The following AAK1 variants were observed in gnomAD, a reference collection of about 807,000 sequenced individuals.
The protein encoded by AAK1 is AP2 associated kinase 1.
AAK1 carries 37 observed loss-of-function variants against 116.0 expected under a neutral mutation model. The observed-to-expected ratio is 0.32, with a 90% confidence interval of 0.25 to 0.42. AAK1 has a LOEUF of 0.42. Ranked by LOEUF, AAK1 falls within the 10% of genes least tolerant of loss-of-function variation. The pLI, the probability that AAK1 is intolerant of heterozygous loss-of-function variation, is 1.00. For synonymous variants in AAK1, 458 were observed against 439.9 expected, an observed-to-expected ratio of 1.04 and a Z score of -0.51; for missense variants, 919 against 1,170.6, an observed-to-expected ratio of 0.79 and a Z score of 3.14.
intron 3 of AAK1, among the ~76,000 whole-genome samples, chr2:69,553,291 A>C (rs973728915): frequency 1.3e-5 from 2 of 152,208 alleles, no homozygotes; most frequent in African/African-American, 4.8e-5. Context: ...AGAATGACTT[A>C]GGATTTCCCA....
intron 2 of AAK1, among the ~76,000 whole-genome samples, chr2:69,588,234 G>A (rs557199082): frequency 1.2e-4 from 18 of 152,248 alleles, no homozygotes; most frequent in Non-Finnish European, 2.5e-4. Context: ...TAAAGCACCC[G>A]GCACACATCT....
At position 69,573,097 on chromosome 2, in the gene AAK1, A is replaced by G. The variant is rs977740831; in HGVS notation, c.164-16119T>C. Among the ~76,000 whole-genome samples, 6 of 152,224 alleles carry G rather than the reference A, an allele frequency of 3.9e-5. No homozygotes were observed. In the South Asian group the frequency reaches 1.2e-3, roughly 32 times the overall value. On this transcript the variant is annotated intron_variant, in intron 2 of 21. Coordinates refer to ENST00000409085, the MANE Select transcript of AAK1 (RefSeq NM_014911.5). ...AAAACCAAATGAGTATAAACTCATC[A>G]ACTAGATTGATAATAAATGGGTACC...
At chr2:69,588,773 T>C (rs914781220) in intron 2 of AAK1, among the ~76,000 whole-genome samples, 3 of 152,226 alleles carry the variant, frequency 2.0e-5, no homozygotes, top group Non-Finnish European at 4.4e-5. Flanking sequence ...CTCTGCATTA[T>C]TTATTTTTAT....
rs188672836 is a variant in AAK1, at chr2:69,547,645, T to C, written c.283-3101A>G. Among the ~76,000 whole-genome samples the C allele has an allele frequency of 2.8e-3, 427 of 152,284 alleles. 1 individual carries two copies. The highest frequency in any genetic ancestry group is 1.0e-2 in the African/African-American group (415 of 41,562). ...GCAAGGAGGTGAAAATTGGAATCCT[T>C]GTATATTACTAGTAGAAATATAAAA... On this transcript the variant is annotated intron_variant, in intron 3 of 21. Transcript: ENST00000409085.
chr2:69,536,408 CT>C (rs150080195), intron 5 of AAK1, among the ~76,000 whole-genome samples: 2,537 of 152,204 alleles, frequency 0.017, 67 homozygotes, highest in African/African-American at 0.058. Flanking sequence ...TGTGAGATGA[CT>C]AGGGCAGGGT....
At position 69,471,711 on chromosome 2, in the gene AAK1, T is replaced by A; in HGVS notation, c.*4158A>T. The A allele has an allele frequency of 1.0e-6, 1 of 985,424 alleles. No homozygotes were observed. Among genetic ancestry groups the A allele is most frequent in the Non-Finnish European group, 1.2e-6 (1 of 829,940 alleles). 61.0% of individuals were successfully genotyped at this position (985,424 alleles called of 1,614,324 possible). A position where few individuals can be genotyped will look rare whatever the true frequency, so the allele number is the denominator to read the frequency against. ...AGAGACTTTATTTTGGCCCAAGGTA[T>A]CTATAGCATGTATTTATTTAGCTGA... On this transcript the variant is annotated 3_prime_UTR_variant, in exon 22 of 22. Transcript: ENST00000409085.
At chr2:69,598,867 A>G (rs1339573860) in intron 2 of AAK1, 2 of 277,006 alleles carry the variant, frequency 7.2e-6, no homozygotes, top group Non-Finnish European at 1.4e-5. Context: ...GTCAACTCAG[A>G]TGTGTGATTG....
chr2:69,593,117 T>C (rs1673106201), intron 2 of AAK1, among the ~76,000 whole-genome samples: 1 of 152,230 alleles, frequency 6.6e-6, no homozygotes, highest in Non-Finnish European at 1.5e-5. Flanking sequence ...AAGTGTGCTT[T>C]GATAAGATAC....
At chr2:69,589,889 T>C (rs1672956696) in intron 2 of AAK1, among the ~76,000 whole-genome samples, 1 of 152,004 alleles carries the variant, frequency 6.6e-6, no homozygotes, top group Non-Finnish European at 1.5e-5. Context: ...GCTCCTACTT[T>C]GTTTTAAGGT....
chr2:69,531,933 A>C, intron 6 of AAK1, 108 bp downstream of exon 6: 1 of 1,497,282 alleles, frequency 6.7e-7, no homozygotes, highest in East Asian at 2.3e-5. Flanking sequence ...ATGAAGGACA[A>C]CTGACTATCA....
intron 6 of AAK1, chr2:69,531,560 C>G: frequency 2.0e-6 from 2 of 984,552 alleles, no homozygotes; most frequent in Non-Finnish European, 1.2e-6. Flanking sequence ...TCATGAAAGT[C>G]TGTGATTCAG....
chr2:69,621,968 C>T (rs1459064183), intron 2 of AAK1, among the ~76,000 whole-genome samples: 3 of 152,372 alleles, frequency 2.0e-5, no homozygotes, highest in East Asian at 1.9e-4. Context: ...TCGGCCTTGG[C>T]GCCCACTCTG....
intron 2 of AAK1, chr2:69,598,201 C>A: frequency 1.3e-6 from 1 of 741,346 alleles, no homozygotes; most frequent in Non-Finnish European, 1.9e-6. Flanking sequence ...ATGTTTCCAT[C>A]GATATTTGAA....
intron 16 of AAK1, among the ~76,000 whole-genome samples, chr2:69,503,865 G>A (rs1676070207): frequency 6.6e-6 from 1 of 152,120 alleles, no homozygotes; most frequent in African/African-American, 2.4e-5. Context: ...TGGGCATGGT[G>A]GCACATGCCT....
chr2:69,636,037 G>A (rs1675431152), intron 2 of AAK1, among the ~76,000 whole-genome samples: 2 of 152,124 alleles, frequency 1.3e-5, no homozygotes, highest in South Asian at 2.1e-4. Flanking sequence ...TTCAGTCAAT[G>A]TTCAGTCACA....
chr2:69,604,771 C>T (rs556603499), intron 2 of AAK1, among the ~76,000 whole-genome samples: 3 of 152,206 alleles, frequency 2.0e-5, no homozygotes, highest in South Asian at 4.2e-4. Context: ...CTGCTTCTCC[C>T]GGGTGCCACA....
intron 16 of AAK1, among the ~76,000 whole-genome samples, chr2:69,502,044 T>C (rs1675998708): frequency 6.6e-6 from 1 of 152,034 alleles, no homozygotes; most frequent in African/African-American, 2.4e-5. Context: ...AAACAGAAGA[T>C]TTTATAAATC....
chr2:69,524,867 T>A (rs1394983016), intron 10 of AAK1, among the ~76,000 whole-genome samples, 166 bp downstream of exon 10: 1 of 151,996 alleles, frequency 6.6e-6, no homozygotes, highest in Non-Finnish European at 1.5e-5. Flanking sequence ...ATATTCCTTT[T>A]TGCATTCCCA....
rs746370045 is a variant in AAK1 at position 69,520,883 on chromosome 2, C to A, written c.1161G>T (p.Ala387=). ...CAGTGGCCCTCTTCCGGGGTGTCAG[C>A]GCTGGCTGGATGGGAAGGATTCCTG... is the stretch of plus-strand genomic sequence containing the variant. ...PNPGILPIQP[A]LTPRKRATVQ... The change falls in exon 11 of 22, where the codon GCG becomes GCT. Residue 387 remains alanine, a synonymous_variant. Transcript: ENST00000409085. The A allele has an allele frequency of 2.5e-6, 4 of 1,601,988 alleles. No homozygotes were observed. In the South Asian group the frequency reaches 3.4e-5, roughly 13 times the overall value.
Sources: gnomAD v4.1 joint callset for allele counts (sites outside exome capture counted in the v4.1 genomes callset) on GRCh38, gnomAD v4.1.1 for gene constraint, MANE v1.5 for transcripts, NCBI Gene and HGNC (gene_info 2026-07-23, HGNC 2026-07-21) for gene names.